The following GLRA1 variants were observed in gnomAD, a reference collection of about 807,000 sequenced individuals.
The protein encoded by GLRA1 is glycine receptor subunit alpha-1.
GLRA1 carries 37 observed loss-of-function variants against 48.3 expected under a neutral mutation model. The ratio of observed to expected loss-of-function variants is 0.77; its 90% CI spans 0.59 to 1.01. The LOEUF is 1.01. GLRA1 is among the 50% of genes least tolerant of loss of function. The pLI is 0.00. For synonymous variants in GLRA1, 196 were observed against 210.7 expected (o/e 0.93, Z 0.60); for missense variants, 427 against 571.0 (o/e 0.75, Z 2.57).
chr5:151,884,390 C>T, intron 3 of GLRA1, among the ~76,000 whole-genome samples: 1 of 147,934 alleles, frequency 6.8e-6, no homozygotes, highest in African/African-American at 2.5e-5. Flanking sequence ...GATCGTGCCA[C>T]TGCACTCCAG....
At chr5:151,833,389 T>C (rs1763474876) in intron 7 of GLRA1, among the ~76,000 whole-genome samples, 1 of 152,194 alleles carries the variant, frequency 6.6e-6, no homozygotes, top group Non-Finnish European at 1.5e-5. Context: ...ATCAGTGTGC[T>C]GTATTCAGAA....
chr5:151,891,520 C>T (rs916606984), intron 2 of GLRA1, among the ~76,000 whole-genome samples: 2 of 152,070 alleles, frequency 1.3e-5, no homozygotes, highest in Admixed American at 6.5e-5. Flanking sequence ...AAACATGGGG[C>T]CTACATTTCT....
At chr5:151,825,247 C>A (rs1311050650) in intron 8 of GLRA1, among the ~76,000 whole-genome samples, 1 of 152,206 alleles carries the variant, frequency 6.6e-6, no homozygotes, top group Non-Finnish European at 1.5e-5. Flanking sequence ...CTAAGTCTGA[C>A]TCTATTGCAT....
In GLRA1 at chr5:151,876,009, C is replaced by T. The variant is rs1033622750; in HGVS notation, c.252+10712G>A. 1.3e-5 allele frequency among the ~76,000 whole-genome samples: 2 copies of T among 152,216 alleles called. 1 individual carries two copies. The highest frequency in any genetic ancestry group is 4.1e-4 in the South Asian group (2 of 4,822). ...TCCCATAATTCACTAACCAAAATTA[C>T]CTGGCTTTCAGAAAAGTGCTCAGTA... On this transcript the variant is annotated intron_variant, in intron 3 of 8. Coordinates refer to ENST00000274576, the MANE Select transcript of GLRA1 (RefSeq NM_000171.4).
chr5:151,917,425 C>A (rs1754765149), intron 1 of GLRA1, among the ~76,000 whole-genome samples: 1 of 152,078 alleles, frequency 6.6e-6, no homozygotes, highest in Non-Finnish European at 1.5e-5. Context: ...ATCTGTATTT[C>A]ATTTTATTTA....
chr5:151,842,990 A>G (rs971787216), intron 7 of GLRA1, among the ~76,000 whole-genome samples: 7 of 152,230 alleles, frequency 4.6e-5, no homozygotes, highest in African/African-American at 1.7e-4. Flanking sequence ...TTCAATTTAT[A>G]TAGCATAAAA....
chr5:151,870,300 G>A (rs901551431), intron 3 of GLRA1, among the ~76,000 whole-genome samples: 1 of 149,134 alleles, frequency 6.7e-6, no homozygotes, highest in African/African-American at 2.6e-5. Context: ...AGGAAGGAAG[G>A]GTGGATGTTA....
At chr5:151,889,600 A>G (rs1395131212) in intron 2 of GLRA1, among the ~76,000 whole-genome samples, 1 of 152,184 alleles carries the variant, frequency 6.6e-6, no homozygotes, top group African/African-American at 2.4e-5. Context: ...GGAGCAGGGA[A>G]AATTTCTAGC....
chr5:151,859,394 T>C (rs1280186393), intron 4 of GLRA1, among the ~76,000 whole-genome samples: 1 of 152,216 alleles, frequency 6.6e-6, no homozygotes, highest in African/African-American at 2.4e-5. Context: ...AGCAACACCA[T>C]CCACCTGGCA....
chr5:151,880,880 AAAT>A (rs1441321135), intron 3 of GLRA1, among the ~76,000 whole-genome samples: 7 of 152,246 alleles, frequency 4.6e-5, no homozygotes, highest in Admixed American at 4.6e-4. Context: ...TACCCAAAGA[AAAT>A]AATACACTCC....
At chr5:151,882,367 T>A (rs910551074) in intron 3 of GLRA1, among the ~76,000 whole-genome samples, 3 of 152,198 alleles carry the variant, frequency 2.0e-5, no homozygotes, top group African/African-American at 7.2e-5. Context: ...CAAGCCTAAA[T>A]TAGGTGATAG....
chr5:151,861,571 G>T (rs1375249453), intron 3 of GLRA1, among the ~76,000 whole-genome samples: 1 of 152,104 alleles, frequency 6.6e-6, no homozygotes, highest in African/African-American at 2.4e-5. Context: ...TTTTGATGGG[G>T]TTGTTTGTTT....
chr5:151,834,083 C>T (rs762035534), intron 7 of GLRA1, among the ~76,000 whole-genome samples: 3 of 152,090 alleles, frequency 2.0e-5, no homozygotes, highest in South Asian at 2.1e-4. Context: ...AAAAAATTAA[C>T]GAGGATATTC....
At chr5:151,830,122 C>T (rs1330431122) in intron 7 of GLRA1, among the ~76,000 whole-genome samples, 1 of 152,176 alleles carries the variant, frequency 6.6e-6, no homozygotes, top group Admixed American at 6.5e-5. Context: ...TATCCAGCTC[C>T]ATAGTAGCAT....
At chr5:151,843,394 G>A (rs1042322977) in intron 7 of GLRA1, among the ~76,000 whole-genome samples, 1 of 151,434 alleles carries the variant, frequency 6.6e-6, no homozygotes, top group African/African-American at 2.4e-5. Context: ...CTGAGTAGCT[G>A]GGACTACAGG....
At chr5:151,892,210 T>G (rs939038440) in intron 2 of GLRA1, 101 bp downstream of exon 2, 29 of 1,083,316 alleles carry the variant, frequency 2.7e-5, no homozygotes, top group Non-Finnish European at 4.0e-5. Flanking sequence ...AGTCATGGGA[T>G]TCACACTGCG....
At chr5:151,871,026 T>C (rs1753469581) in intron 3 of GLRA1, among the ~76,000 whole-genome samples, 1 of 149,462 alleles carries the variant, frequency 6.7e-6, no homozygotes, top group Non-Finnish European at 1.5e-5. Flanking sequence ...CTCTGGGCAG[T>C]CATAAGTTCA....
At chr5:151,854,809 A>G (rs565307173) in intron 6 of GLRA1, among the ~76,000 whole-genome samples, 50 of 152,336 alleles carry the variant, frequency 3.3e-4, no homozygotes, top group African/African-American at 1.1e-3. Flanking sequence ...ACCTGGAATA[A>G]TGACTGTATT....
intron 1 of GLRA1, among the ~76,000 whole-genome samples, chr5:151,901,139 A>G (rs1481976269): frequency 1.3e-5 from 2 of 152,240 alleles, no homozygotes; most frequent in Admixed American, 6.5e-5. Context: ...AGTGGTATTC[A>G]CACGAAATGT....
Sources: gnomAD v4.1 joint callset for allele counts (sites outside exome capture counted in the v4.1 genomes callset) on GRCh38, gnomAD v4.1.1 for gene constraint, MANE v1.5 for transcripts, NCBI Gene and HGNC (gene_info 2026-07-23, HGNC 2026-07-21) for gene names.